FGF14: variants seen among roughly 807,000 people sequenced by gnomAD.
FGF14 encodes the protein fibroblast growth factor 14.
FGF14 carries 5 observed loss-of-function variants against 25.5 expected under a neutral mutation model. The ratio of observed to expected loss-of-function variants is 0.20; its 90% CI spans 0.10 to 0.41. FGF14 has a LOEUF of 0.41. FGF14 is among the 10% of genes least tolerant of loss of function. The pLI is 1.00. For missense variants in FGF14, 222 were observed against 320.1 expected (o/e 0.69, Z 2.34); for synonymous variants, 138 against 118.3 (o/e 1.17, Z -1.08).
chr13:101,812,228 C>T (rs2041551315), intron 3 of FGF14, among the ~76,000 whole-genome samples: 2 of 152,042 alleles, frequency 1.3e-5, no homozygotes, highest in Non-Finnish European at 2.9e-5. Flanking sequence ...AATTTTGTTA[C>T]TCGAATCATC....
At chr13:102,028,460 G>A (rs1445723010) in intron 1 of FGF14, among the ~76,000 whole-genome samples, 1 of 152,044 alleles carries the variant, frequency 6.6e-6, no homozygotes. Context: ...TCGAATTTTT[G>A]AGCCTTCAGA....
Position 102,389,102 on chromosome 13 carries a change from T to TTTCCCCTTC in FGF14, c.208+12360_208+12368dup, listed in dbSNP as rs751918252. Among the ~76,000 whole-genome samples the TTTCCCCTTC allele has an allele frequency of 5.3e-5, 8 of 152,202 alleles. No individual in the cohort carries two copies. The East Asian group carries it at 1.3e-3, about 26-fold the overall frequency. On this transcript the variant is annotated intron_variant, in intron 1 of 4. Transcript: ENST00000376131. Reference sequence around the variant, plus strand: ...ACTTAGGTCATGCTTCTCTAAAAGATTTCCCCTTCTTCCCCTTCTTCCCCT... The same window carrying TTTCCCCTTC: ...ACTTAGGTCATGCTTCTCTAAAAGATTTCCCCTTCTTCCCCTTCTTCCCCTTCTTCCCCT...
chr13:101,844,569 C>G (rs1566300556), intron 3 of FGF14, among the ~76,000 whole-genome samples: 1 of 151,974 alleles, frequency 6.6e-6, no homozygotes, highest in Non-Finnish European at 1.5e-5. Context: ...ACCCTCTCAT[C>G]CCTTGCAGAA....
At chr13:102,371,327 C>T (rs16960116) in intron 1 of FGF14, among the ~76,000 whole-genome samples, 22,507 of 152,056 alleles carry the variant, frequency 0.15, 2,208 homozygotes, top group African/African-American at 0.27. Context: ...GGTTCCAAGT[C>T]ACAACAGGTT....
chr13:102,230,793 A>G (rs1386773242), intron 1 of FGF14, among the ~76,000 whole-genome samples: 1 of 152,206 alleles, frequency 6.6e-6, no homozygotes, highest in Admixed American at 6.5e-5. Flanking sequence ...TAATACCTGT[A>G]AAGAGCATTG....
At chr13:102,048,099 T>A (rs1473661180) in intron 1 of FGF14, among the ~76,000 whole-genome samples, 1 of 152,144 alleles carries the variant, frequency 6.6e-6, no homozygotes, top group Non-Finnish European at 1.5e-5. Context: ...AGAGTTTCTA[T>A]TCCATGAAAC....
At chr13:101,898,116 A>T (rs1254031916) in intron 1 of FGF14, among the ~76,000 whole-genome samples, 3 of 152,062 alleles carry the variant, frequency 2.0e-5, no homozygotes, top group Non-Finnish European at 4.4e-5. Context: ...GCTGGTATTG[A>T]ACTCCTGACC....
chr13:101,988,463 CCAA>C (rs999877866), intron 1 of FGF14, among the ~76,000 whole-genome samples: 17 of 151,952 alleles, frequency 1.1e-4, no homozygotes, highest in Non-Finnish European at 2.5e-4. Context: ...ACCCAAATGT[CCAA>C]CAACGATAGA....
intron 1 of FGF14, among the ~76,000 whole-genome samples, chr13:102,039,376 C>T (rs1464255650): frequency 6.6e-6 from 1 of 152,068 alleles, no homozygotes; most frequent in African/African-American, 2.4e-5. Flanking sequence ...TAAGGAAGTA[C>T]TACAGACCGC....
In FGF14 at chr13:101,979,695, T is replaced by C. The variant is rs559028130; in HGVS notation, c.209-104399A>G. ...CAGATAAAGACAAATACTAAATAGG[T>C]TGAAGGCAAAAGGGGATGCTCTTTG... On this transcript the variant is annotated intron_variant, in intron 1 of 4. Transcript: ENST00000376131. Among the ~76,000 whole-genome samples the C allele has an allele frequency of 3.9e-5, 6 of 152,254 alleles. No homozygotes were observed. The East Asian group carries it at 9.6e-4, about 24-fold the overall frequency.
intron 1 of FGF14, among the ~76,000 whole-genome samples, chr13:102,281,670 T>C (rs1391847659): frequency 6.6e-6 from 1 of 151,788 alleles, no homozygotes; most frequent in Non-Finnish European, 1.5e-5. Context: ...CGTATTCCAC[T>C]ATTGCTCTGA....
intron 1 of FGF14, among the ~76,000 whole-genome samples, chr13:102,253,679 A>C (rs918607817): frequency 6.6e-6 from 1 of 152,058 alleles, no homozygotes; most frequent in Non-Finnish European, 1.5e-5. Context: ...ATAAGATCCC[A>C]TGTGTCTATT....
At chr13:101,963,123 C>A (rs1251602926) in intron 1 of FGF14, among the ~76,000 whole-genome samples, 2 of 152,210 alleles carry the variant, frequency 1.3e-5, no homozygotes, top group African/African-American at 4.8e-5. Context: ...ACTGCTGACA[C>A]TCAGCAAATT....
chr13:102,344,689 C>T (rs560285297), intron 1 of FGF14, among the ~76,000 whole-genome samples: 1 of 152,318 alleles, frequency 6.6e-6, no homozygotes, highest in South Asian at 2.1e-4. Flanking sequence ...GAGATCATTG[C>T]CCTCTCAAGG....
At chr13:101,842,132 T>C (rs1448102236) in intron 3 of FGF14, among the ~76,000 whole-genome samples, 1 of 152,002 alleles carries the variant, frequency 6.6e-6, no homozygotes, top group East Asian at 1.9e-4. Flanking sequence ...GTATTTTAGA[T>C]ACAGGTAATA....
Position 101,804,673 on chromosome 13 carries a change from CAT to C in FGF14, c.408+64050_408+64051del, listed in dbSNP as rs141106237. On this transcript the variant is annotated intron_variant, in intron 3 of 4. Transcript: ENST00000376143. ...AACTGTATTTTATACATACAAAATA[CAT>C]ATATATATATATACACACACACATA... 6.3e-3 allele frequency among the ~76,000 whole-genome samples: 951 copies of C among 150,590 alleles called. 5 individuals carry two copies. Among genetic ancestry groups the C allele is most frequent in the African/African-American group, 0.019 (794 of 41,142 alleles).
At chr13:101,809,866 T>A (rs902342294) in intron 3 of FGF14, among the ~76,000 whole-genome samples, 1 of 152,164 alleles carries the variant, frequency 6.6e-6, no homozygotes, top group Non-Finnish European at 1.5e-5. Flanking sequence ...TTTTCCATTA[T>A]AATTCACATC....
At position 101,808,843 on chromosome 13, in the gene FGF14, C is replaced by G. The variant is rs138791392; in HGVS notation, c.408+59882G>C. Among the ~76,000 whole-genome samples, 636 of 152,186 alleles carry G rather than the reference C, an allele frequency of 4.2e-3. 3 individuals carry two copies. Among genetic ancestry groups the G allele is most frequent in the South Asian group, 0.011 (51 of 4,824 alleles). On this transcript the variant is annotated intron_variant, in intron 3 of 4. Coordinates refer to ENST00000376143, the MANE Select transcript of FGF14 (RefSeq NM_004115.4). ...AATTATGTTACTTTGAAATACTTTA[C>G]TATTAATATAGAAAACAATCATAAA...
chr13:101,788,439 TGTGTGTAAG>T (rs1207676406), intron 3 of FGF14, among the ~76,000 whole-genome samples: 1 of 152,108 alleles, frequency 6.6e-6, no homozygotes, highest in Non-Finnish European at 1.5e-5. Context: ...AACTTATACA[TGTGTGTAAG>T]CACTGAGGAA....
Sources: allele counts gnomAD v4.1 joint callset (sites outside exome capture counted in the v4.1 genomes callset), GRCh38; gene constraint gnomAD v4.1.1; transcripts MANE v1.5; gene names NCBI Gene and HGNC (gene_info 2026-07-23, HGNC 2026-07-21).